Variants in RPH3A observed in about 807,000 individuals in gnomAD.
RPH3A encodes the protein rabphilin-3A.
In RPH3A, 48 loss-of-function variants were observed where a neutral mutation model predicts 102.2. The ratio of observed to expected loss-of-function variants is 0.47; its 90% CI spans 0.37 to 0.60. The LOEUF is 0.60. Among genes scored for constraint, RPH3A ranks in the 20% least tolerant of loss-of-function variants. RPH3A has a pLI of 0.00. For missense variants in RPH3A, 781 were observed against 910.1 expected (o/e 0.86, Z 1.83); for synonymous variants, 310 against 324.3 (o/e 0.96, Z 0.47).
chr12:112,713,565 GA>G (rs5800967), intron 1 of RPH3A, among the ~76,000 whole-genome samples: 11 of 149,050 alleles, frequency 7.4e-5, no homozygotes, highest in East Asian at 3.9e-4. Context: ...AGATTTGCAG[GA>G]AAAAAAAAAG....
intron 2 of RPH3A, among the ~76,000 whole-genome samples, chr12:112,806,050 G>C (rs183866097): frequency 1.3e-5 from 2 of 152,096 alleles, no homozygotes; most frequent in South Asian, 2.1e-4. Flanking sequence ...AAACCACATG[G>C]TTATATAAAA....
intron 1 of RPH3A, among the ~76,000 whole-genome samples, chr12:112,652,362 A>C (rs1320316522): frequency 6.6e-6 from 1 of 152,230 alleles, no homozygotes; most frequent in African/African-American, 2.4e-5. Context: ...CTGTAGTCCC[A>C]GCTGTTTGGG....
At chr12:112,667,427 A>G (rs1769226406) in intron 1 of RPH3A, among the ~76,000 whole-genome samples, 1 of 151,942 alleles carries the variant, frequency 6.6e-6, no homozygotes, top group African/African-American at 2.4e-5. Flanking sequence ...AAATGGTATG[A>G]CTCTCCACCT....
chr12:112,640,078 T>G (rs1014988625), intron 1 of RPH3A, among the ~76,000 whole-genome samples: 3 of 149,996 alleles, frequency 2.0e-5, no homozygotes, highest in African/African-American at 4.9e-5. Flanking sequence ...CTCATCACTT[T>G]GGGAGGCTGA....
intron 19 of RPH3A, 39 bp downstream of exon 19, chr12:112,891,042 G>A (rs775764593): frequency 1.2e-6 from 2 of 1,609,310 alleles, no homozygotes; most frequent in African/African-American, 2.7e-5. Flanking sequence ...GGCCCTGAAG[G>A]AGTCCTGGAG....
intron 1 of RPH3A, among the ~76,000 whole-genome samples, chr12:112,698,817 CCTTCTCCTA>C (rs1191464100): frequency 2.6e-5 from 4 of 151,988 alleles, no homozygotes; most frequent in Non-Finnish European, 4.4e-5. Flanking sequence ...CCCTCCTTCT[CCTTCTCCTA>C]CTTCTCCTTC....
intron 2 of RPH3A, among the ~76,000 whole-genome samples, chr12:112,825,536 C>G (rs562344774): frequency 3.3e-5 from 5 of 152,072 alleles, no homozygotes; most frequent in Admixed American, 6.6e-5. Flanking sequence ...TCTCTCCCCC[C>G]CTTACTCTTG....
At chr12:112,865,275 G>T in intron 5 of RPH3A, 139 bp from the exon 6 acceptor site, 1 of 1,000,958 alleles carries the variant, frequency 1.0e-6, no homozygotes, top group Non-Finnish European at 1.5e-6. Context: ...GCCTTTTCTT[G>T]GGGAAGAGTT....
intron 18 of RPH3A, 89 bp from the exon 19 acceptor site, chr12:112,890,760 C>A: frequency 7.0e-7 from 1 of 1,431,604 alleles, no homozygotes; most frequent in Non-Finnish European, 9.5e-7. Context: ...GCTTCGCCTG[C>A]CCTTCATAGG....
intron 3 of RPH3A, among the ~76,000 whole-genome samples, chr12:112,833,254 T>G (rs1288677060): frequency 1.3e-5 from 2 of 152,244 alleles, no homozygotes; most frequent in Non-Finnish European, 2.9e-5. Flanking sequence ...AAAGGTATGC[T>G]GCTGTACATT....
At chr12:112,589,552 A>G (rs1206031098) in intron 1 of RPH3A, among the ~76,000 whole-genome samples, 2 of 152,030 alleles carry the variant, frequency 1.3e-5, no homozygotes, top group Admixed American at 1.3e-4. Context: ...TTCAATTCTC[A>G]ACATACATGA....
At chr12:112,684,563 T>C in intron 1 of RPH3A, among the ~76,000 whole-genome samples, 1 of 152,150 alleles carries the variant, frequency 6.6e-6, no homozygotes, top group East Asian at 1.9e-4. Flanking sequence ...CAACCACACC[T>C]GGCCGAGAAT....
chr12:112,896,852 A>T lies in RPH3A; in HGVS notation c.*72A>T. ...TGCTCTAGCTGCCCACCGCACCCTG[A>T]TCTCTCTTCTCTATGCCTACCTCCC... On this transcript the variant is annotated 3_prime_UTR_variant, in exon 22 of 22. Coordinates refer to ENST00000389385, the MANE Select transcript of RPH3A (RefSeq NM_001143854.2). 1 of 1,566,202 alleles carries T rather than the reference A, an allele frequency of 6.4e-7. No individual in the cohort carries two copies. The highest frequency in any genetic ancestry group is 2.3e-5 in the East Asian group (1 of 44,332).
intron 2 of RPH3A, among the ~76,000 whole-genome samples, chr12:112,792,513 T>G (rs2041141319): frequency 6.6e-6 from 1 of 152,208 alleles, no homozygotes; most frequent in South Asian, 2.1e-4. Context: ...GCGATCAAGA[T>G]TGTGGCTTCT....
intron 1 of RPH3A, among the ~76,000 whole-genome samples, chr12:112,581,716 G>C (rs1200457471): frequency 6.7e-6 from 1 of 148,558 alleles, no homozygotes; most frequent in African/African-American, 2.5e-5. Flanking sequence ...TAATGTGTAT[G>C]TAATATTTCT....
At chr12:112,719,513 T>C (rs2040537403) in intron 1 of RPH3A, among the ~76,000 whole-genome samples, 2 of 152,204 alleles carry the variant, frequency 1.3e-5, no homozygotes, top group African/African-American at 4.8e-5. Context: ...GCGTGCATTG[T>C]GCTGTATGTA....
Position 112,652,614 on chromosome 12 carries a change from GT to G in RPH3A, c.-140+77296del, listed in dbSNP as rs534841504. On this transcript the variant is annotated intron_variant, in intron 1 of 21. Coordinates refer to the RPH3A transcript ENST00000543106. ...TGATCTTGGAGAGTCTCACCACCTG[GT>G]GTGGTTCCTGCACAGTTTATTCTCC... 8.5e-5 allele frequency among the ~76,000 whole-genome samples: 13 copies of G among 152,302 alleles called. No homozygotes were observed. The South Asian group carries it at 2.7e-3, about 32-fold the overall frequency.
intron 2 of RPH3A, among the ~76,000 whole-genome samples, chr12:112,823,606 T>C (rs1401845818): frequency 1.3e-5 from 2 of 152,192 alleles, no homozygotes; most frequent in African/African-American, 4.8e-5. Context: ...GATGCCAAGT[T>C]TCTGCAGTGG....
chr12:112,890,676 A>G (rs555201624), intron 18 of RPH3A, among the ~76,000 whole-genome samples, 173 bp from the exon 19 acceptor site: 2 of 152,336 alleles, frequency 1.3e-5, no homozygotes, highest in South Asian at 4.1e-4. Context: ...CTGGTCCTCA[A>G]CTTTCACCTT....
Sources: allele counts gnomAD v4.1 joint callset (sites outside exome capture counted in the v4.1 genomes callset), GRCh38; gene constraint gnomAD v4.1.1; transcripts MANE v1.5; gene names NCBI Gene and HGNC (gene_info 2026-07-23, HGNC 2026-07-21).